The following OR51G1 variants were observed in gnomAD, a reference collection of about 807,000 sequenced individuals.
The protein encoded by OR51G1 is olfactory receptor family 51 subfamily G member 1.
For missense variants in OR51G1, 454 were observed against 396.0 expected (o/e 1.15, Z -1.24); for synonymous variants, 163 against 156.9 (o/e 1.04, Z -0.29).
chr11:4,923,561 A>C lies in OR51G1; in HGVS notation c.779T>G (p.Leu260Trp), dbSNP rs1851217560. The change falls in exon 1 of 1, where the codon TTG becomes TGG. Residue 260 changes from leucine to tryptophan, a missense_variant. Leu to Trp is a moderately conservative substitution (Grantham distance 61). Coordinates refer to ENST00000623849, the MANE Select transcript of OR51G1 (RefSeq NM_001005237.1). ...VLLFYIPMIG[L>W]SLVHRFGEHL... ...TTCACCAAAGCGATGCACAAGAGAC[A>C]AGCCAATCATGGGGATGTAGAAGAG... 1 of 1,614,042 alleles carries C rather than the reference A, an allele frequency of 6.2e-7. No homozygotes were observed. The highest frequency in any genetic ancestry group is 1.3e-5 in the African/African-American group (1 of 74,904).
In OR51G1 at chr11:4,924,090, G is replaced by C; in HGVS notation, c.250C>G (p.Leu84Val). The C allele has an allele frequency of 6.2e-7, 1 of 1,614,152 alleles. No homozygotes were observed. Among genetic ancestry groups the C allele is most frequent in the East Asian group, 2.2e-5 (1 of 44,852 alleles). Residue 84 changes from leucine (L) to valine (V), a missense_variant, in exon 1 of 1, where the codon CTG becomes GTG. Coordinates refer to ENST00000623849, the MANE Select transcript of OR51G1 (RefSeq NM_001005237.1). ...GLCLSTLPTV[L>V]GIFWFDTREI... is the part of the protein sequence containing the mutation. ...CTGGTATCAAACCAGAAAATGCCCA[G>C]CACAGTGGGCAGTGTGGAAAGGCAA...
Position 4,923,383 on chromosome 11 carries a change from C to T in OR51G1, c.957G>A (p.Trp319Ter), listed in dbSNP as rs769264009. 39 of 1,547,458 alleles carry T rather than the reference C, an allele frequency of 2.5e-5. No homozygotes were observed. The highest frequency in any genetic ancestry group is 3.5e-4 in the Middle Eastern group (2 of 5,720). ...FQFIKSLRCFWKD is the reference protein window; with the variant it reads ...FQFIKSLRCF ...CTCTCTTTACTCTAACTTAATCCTT[C>T]CAAAAACACCTAAGTGACTTTATAA... The change falls in exon 1 of 1, where the codon TGG (tryptophan) becomes TGA (stop). Residue 319 changes from tryptophan (W) to a stop codon, truncating the protein, a stop_gained. Transcript: ENST00000623849. LOFTEE classifies it high-confidence loss of function.
chr11:4,923,830 G>C lies in OR51G1; in HGVS notation c.510C>G (p.Tyr170Ter). ...PLPFLLKRFQ[Y>*]CHSHVLAHAY... ...CATGAGCCAGCACATGGGAGTGGCAGTATTGGAAGCGCTTCAGGAGGAATG... is the reference window on the plus strand; with the variant it reads ...CATGAGCCAGCACATGGGAGTGGCACTATTGGAAGCGCTTCAGGAGGAATG... The change falls in exon 1 of 1, where the codon TAC (tyrosine) becomes TAG (stop). Residue 170 changes from tyrosine to a stop codon, truncating the protein, a stop_gained. Coordinates refer to ENST00000623849, the MANE Select transcript of OR51G1 (RefSeq NM_001005237.1). LOFTEE classifies it low-confidence loss of function (END_TRUNC). 1 of 1,614,020 alleles carries C rather than the reference G, an allele frequency of 6.2e-7. No individual in the cohort carries two copies. Among genetic ancestry groups the C allele is most frequent in the Non-Finnish European group, 8.5e-7 (1 of 1,180,020 alleles).
Position 4,923,937 on chromosome 11 carries a change from A to G in OR51G1, c.403T>C (p.Ser135Pro), listed in dbSNP as rs1851226691. 6.2e-7 allele frequency: 1 copy of G among 1,614,186 alleles called. No individual in the cohort carries two copies. The highest frequency in any genetic ancestry group is 1.1e-5 in the South Asian group (1 of 91,076). Reference protein sequence around the residue: ...YVAVCNPLHDSTVLTPACIVK... With the variant: ...YVAVCNPLHDPTVLTPACIVK... ...ATACATGCAGGTGTCAGGACGGTGG[A>G]GTCATGCAGTGGGTTGCAGACGGCC... The change falls in exon 1 of 1, where the codon TCC becomes CCC. Residue 135 changes from serine to proline, a missense_variant. Physicochemically the swap from Ser to Pro is moderately conservative, Grantham distance 74. Transcript: ENST00000623849.
chr11:4,923,842 C>G lies in OR51G1; in HGVS notation c.498G>C (p.Lys166Asn). The G allele has an allele frequency of 6.2e-7, 1 of 1,613,948 alleles. No homozygotes were observed. The highest frequency in any genetic ancestry group is 8.5e-7 in the Non-Finnish European group (1 of 1,180,008). ...LLILPLPFLL[K>N]RFQYCHSHVL... ...CATGGGAGTGGCAGTATTGGAAGCG[C>G]TTCAGGAGGAATGGCAAGGGGAGGA... The change falls in exon 1 of 1, where the codon AAG becomes AAC. Residue 166 changes from lysine to asparagine, a missense_variant. Coordinates refer to ENST00000623849, the MANE Select transcript of OR51G1 (RefSeq NM_001005237.1).
Position 4,923,977 on chromosome 11 carries a change from G to A in OR51G1, c.363C>T (p.Ser121=). ...SMESSVLLSM[S]IDRYVAVCNP... The stretch of plus-strand genomic sequence containing the variant: ...TGCAGACGGCCACGTAGCGGTCAAT[G>A]GACATGGATAACAGAACTGATGACT... The change falls in exon 1 of 1, where the codon TCC becomes TCT. Residue 121 remains serine, a synonymous_variant. Transcript: ENST00000623849. The A allele has an allele frequency of 6.2e-7, 1 of 1,614,148 alleles. No individual in the cohort carries two copies. The highest frequency in any genetic ancestry group is 8.5e-7 in the Non-Finnish European group (1 of 1,180,022).
chr11:4,923,666 C>A lies in OR51G1; in HGVS notation c.674G>T (p.Arg225Leu). The A allele has an allele frequency of 1.9e-6, 3 of 1,613,710 alleles. No individual in the cohort carries two copies. Among genetic ancestry groups the A allele is most frequent in the Non-Finnish European group, 2.5e-6 (3 of 1,179,896 alleles). The change falls in exon 1 of 1, where the codon CGC becomes CTC. Residue 225 changes from arginine (R) to leucine (L), a missense_variant. Transcript: ENST00000623849. ...GTGGGAGGCAATGCTGAGCACGGTG[C>A]GAAGGATGAGGGCGTATGAGAGAAA... ...LIFLSYALIL[R>L]TVLSIASHQE...
At position 4,923,666 on chromosome 11, in the gene OR51G1, C is replaced by T. The variant is rs143904984; in HGVS notation, c.674G>A (p.Arg225His). 8.1e-5 allele frequency: 131 copies of T among 1,613,592 alleles called. No homozygotes were observed. Among genetic ancestry groups the T allele is most frequent in the South Asian group, 2.0e-4 (18 of 91,056 alleles). Residue 225 changes from arginine (R) to histidine (H), a missense_variant, in exon 1 of 1, where the codon CGC becomes CAC. Coordinates refer to ENST00000623849, the MANE Select transcript of OR51G1 (RefSeq NM_001005237.1). ...LIFLSYALIL[R>H]TVLSIASHQE... is the part of the protein sequence containing the mutation. ...GTGGGAGGCAATGCTGAGCACGGTG[C>T]GAAGGATGAGGGCGTATGAGAGAAA... is the stretch of plus-strand genomic sequence containing the variant.
rs759535009 is a variant in OR51G1 at position 4,923,428 on chromosome 11, G to A, written c.912C>T (p.Arg304=). ...YSIKTKQIRQ[R]IIKKFQFIKS... is the part of the protein sequence containing the mutation. ...TTATAAACTGAAACTTCTTAATGAT[G>A]CGCTGGCGAATTTGCTTGGTCTTGA... is the stretch of plus-strand genomic sequence containing the variant. The change falls in exon 1 of 1, where the codon CGC becomes CGT. Residue 304 remains arginine (R), a synonymous_variant. Coordinates refer to ENST00000623849, the MANE Select transcript of OR51G1 (RefSeq NM_001005237.1). 1 of 1,596,110 alleles carries A rather than the reference G, an allele frequency of 6.3e-7. No homozygotes were observed. Among genetic ancestry groups the A allele is most frequent in the East Asian group, 2.2e-5 (1 of 44,646 alleles).
rs773528289 is a variant in OR51G1 at position 4,923,401 on chromosome 11, C to T, written c.939G>A (p.Lys313=). 9 of 1,569,172 alleles carry T rather than the reference C, an allele frequency of 5.7e-6. No individual in the cohort carries two copies. The South Asian group carries it at 1.1e-4, about 19-fold the overall frequency. Residue 313 remains lysine (K), a synonymous_variant, in exon 1 of 1, where the codon AAG becomes AAA. Coordinates refer to ENST00000623849, the MANE Select transcript of OR51G1 (RefSeq NM_001005237.1). ...QRIIKKFQFI[K]SLRCFWKD The stretch of plus-strand genomic sequence containing the variant: ...AATCCTTCCAAAAACACCTAAGTGA[C>T]TTTATAAACTGAAACTTCTTAATGA...
At position 4,923,615 on chromosome 11, in the gene OR51G1, G is replaced by C; in HGVS notation, c.725C>G (p.Thr242Ser). Residue 242 changes from threonine to serine, a missense_variant, in exon 1 of 1, where the codon ACC becomes AGC. Physicochemically the swap from Thr to Ser is moderately conservative, Grantham distance 58. Coordinates refer to ENST00000623849, the MANE Select transcript of OR51G1 (RefSeq NM_001005237.1). ...SHQERLRALNTCVSHICAVLL... is the reference protein window; with the variant it reads ...SHQERLRALNSCVSHICAVLL... Reference sequence around the variant, plus strand: ...TACAGCACAGATATGAGAGACACAGGTGTTGAGGGCTCGGAGTCGCTCCTG... The same window carrying C: ...TACAGCACAGATATGAGAGACACAGCTGTTGAGGGCTCGGAGTCGCTCCTG... 6.2e-7 allele frequency: 1 copy of C among 1,614,162 alleles called. No individual in the cohort carries two copies. The highest frequency in any genetic ancestry group is 8.5e-7 in the Non-Finnish European group (1 of 1,180,028).
Position 4,923,495 on chromosome 11 carries a change from TAC to T in OR51G1, c.843_844del (p.Tyr282SerfsTer25). On this transcript the variant is annotated frameshift_variant, in exon 1 of 1. Transcript: ENST00000623849. LOFTEE classifies it low-confidence loss of function (END_TRUNC). ...GTTCATAAGGGGTGGTACCAGCAGA[TAC>T]ACATAGGACATGAAGAGGTGTACAA... 6.2e-7 allele frequency: 1 copy of T among 1,614,098 alleles called. No individual in the cohort carries two copies. Among genetic ancestry groups the T allele is most frequent in the East Asian group, 2.2e-5 (1 of 44,866 alleles).
Position 4,924,305 on chromosome 11 carries a change from G to T in OR51G1, c.35C>A (p.Ala12Asp), listed in dbSNP as rs755634175. Residue 12 changes from alanine to aspartate, a missense_variant, in exon 1 of 1, where the codon GCC becomes GAC. Coordinates refer to ENST00000623849, the MANE Select transcript of OR51G1 (RefSeq NM_001005237.1). ...TILLNSSLQR[A>D]TFFLTGFQGL... ...TTGGAAGCCCGTCAGGAAGAAAGTG[G>T]CTCTTTGGAGGCTGCTATTAAGAAG... The T allele has an allele frequency of 1.1e-5, 17 of 1,612,050 alleles. No individual in the cohort carries two copies. Among genetic ancestry groups the T allele is most frequent in the Middle Eastern group, 1.7e-4 (1 of 6,058 alleles).
Position 4,924,038 on chromosome 11 carries a change from G to A in OR51G1, c.302C>T (p.Thr101Ile), listed in dbSNP as rs1851229665. ...TREIGIPACF[T>I]QLFFIHTLSS... ...CAAGGTGTGGATGAAGAAGAGCTGA[G>A]TGAAACAGGCAGGGATGCCAATCTC... is the stretch of plus-strand genomic sequence containing the variant. The change falls in exon 1 of 1, where the codon ACT becomes ATT. Residue 101 changes from threonine (T) to isoleucine (I), a missense_variant. By Grantham distance (89) the Thr-to-Ile change is moderately conservative. Coordinates refer to ENST00000623849, the MANE Select transcript of OR51G1 (RefSeq NM_001005237.1). 1 of 1,614,168 alleles carries A rather than the reference G, an allele frequency of 6.2e-7. No individual in the cohort carries two copies. Among genetic ancestry groups the A allele is most frequent in the African/African-American group, 1.3e-5 (1 of 75,056 alleles).
Position 4,924,185 on chromosome 11 carries a change from C to A in OR51G1, c.155G>T (p.Cys52Phe). 6.2e-7 allele frequency: 1 copy of A among 1,614,100 alleles called. No homozygotes were observed. The highest frequency in any genetic ancestry group is 8.5e-7 in the Non-Finnish European group (1 of 1,180,024). The change falls in exon 1 of 1, where the codon TGT becomes TTT. Residue 52 changes from cysteine (C) to phenylalanine (F), a missense_variant. Coordinates refer to ENST00000623849, the MANE Select transcript of OR51G1 (RefSeq NM_001005237.1). ...GGGTCCATGGAGAGTGGCATCAGTACAAATGACGTGGAGAATGGTGAGGTT... is the reference window on the plus strand; with the variant it reads ...GGGTCCATGGAGAGTGGCATCAGTAAAAATGACGTGGAGAATGGTGAGGTT... ...LGNLTILHVI[C>F]TDATLHGPMY...
chr11:4,924,118 G>A lies in OR51G1; in HGVS notation c.222C>T (p.Gly74=), dbSNP rs759473353. The change falls in exon 1 of 1, where the codon GGC becomes GGT. Residue 74 remains glycine (G), a synonymous_variant. Transcript: ENST00000623849. The part of the protein sequence containing the change: ...FLGMLAVTDL[G]LCLSTLPTVL... Reference sequence around the variant, plus strand: ...CAGTGGGCAGTGTGGAAAGGCAAAGGCCTAAGTCTGTGACAGCTAGCATGC... The same window carrying A: ...CAGTGGGCAGTGTGGAAAGGCAAAGACCTAAGTCTGTGACAGCTAGCATGC... 3.1e-6 allele frequency: 5 copies of A among 1,613,990 alleles called. No individual in the cohort carries two copies. Among genetic ancestry groups the A allele is most frequent in the Non-Finnish European group, 1.7e-6 (2 of 1,180,008 alleles).
rs781016747 is a variant in OR51G1, at chr11:4,923,790, G to A, written c.550C>T (p.Leu184=). The A allele has an allele frequency of 4.3e-6, 7 of 1,613,878 alleles. No homozygotes were observed. The African/African-American group carries it at 6.7e-5, about 15-fold the overall frequency. ...HVLAHAYCLH[L]EIMKLACSSI... ...GAGCAGGCCAGCTTCATGATCTCCA[G>A]GTGAAGACAATAAGCATGAGCCAGC... Residue 184 remains leucine, a synonymous_variant, in exon 1 of 1, where the codon CTG becomes TTG. Coordinates refer to ENST00000623849, the MANE Select transcript of OR51G1 (RefSeq NM_001005237.1).
At position 4,924,198 on chromosome 11, in the gene OR51G1, G is replaced by C. The variant is rs752577349; in HGVS notation, c.142C>G (p.Leu48Val). 6.8e-5 allele frequency: 110 copies of C among 1,614,074 alleles called. No individual in the cohort carries two copies. The highest frequency in any genetic ancestry group is 8.6e-5 in the Non-Finnish European group (101 of 1,180,042). The change falls in exon 1 of 1, where the codon CTC (leucine) becomes GTC (valine). Residue 48 changes from leucine to valine, a missense_variant. Coordinates refer to ENST00000623849, the MANE Select transcript of OR51G1 (RefSeq NM_001005237.1). ...LTVILGNLTI[L>V]HVICTDATLH... ...GTGGCATCAGTACAAATGACGTGGA[G>C]AATGGTGAGGTTCCCCAAGATAACT...
In OR51G1 at chr11:4,923,754, CAAT is replaced by C; in HGVS notation, c.583_585del (p.Ile195del). 1 of 1,614,044 alleles carries C rather than the reference CAAT, an allele frequency of 6.2e-7. No homozygotes were observed. The highest frequency in any genetic ancestry group is 8.5e-7 in the Non-Finnish European group (1 of 1,180,008). Reference sequence around the variant, plus strand: ...ACAAAGAGCCCATAGATGTGATTGACAATGATGCTAGAGCAGGCCAGCTTCATG... The same window carrying C: ...ACAAAGAGCCCATAGATGTGATTGACGATGCTAGAGCAGGCCAGCTTCATG... On this transcript the variant is annotated inframe_deletion, in exon 1 of 1. Transcript: ENST00000623849.
Sources: gnomAD v4.1 joint callset for allele counts on GRCh38, gnomAD v4.1.1 for gene constraint, MANE v1.5 for transcripts, NCBI Gene and HGNC (gene_info 2026-07-23, HGNC 2026-07-21) for gene names.